The following NBEAL1 variants were observed in gnomAD, a reference collection of about 807,000 sequenced individuals.
NBEAL1 encodes the protein neurobeachin-like protein 1.
Under a neutral mutation model 351.3 loss-of-function variants are expected in NBEAL1, and 273 were observed. The ratio of observed to expected loss-of-function variants is 0.78; its 90% CI spans 0.70 to 0.86. The LOEUF is 0.86. Among genes scored for constraint, NBEAL1 ranks in the 40% least tolerant of loss-of-function variants. The pLI, the probability that NBEAL1 is intolerant of heterozygous loss-of-function variation, is 0.00. For missense variants in NBEAL1, 2,961 were observed against 3,201.3 expected, an observed-to-expected ratio of 0.92 and a Z score of 1.81; for synonymous variants, 1,050 against 1,086.4, an observed-to-expected ratio of 0.97 and a Z score of 0.66.
chr2:203,045,585 A>G (rs940474261), intron 3 of NBEAL1, among the ~76,000 whole-genome samples: 3 of 152,196 alleles, frequency 2.0e-5, no homozygotes, highest in Non-Finnish European at 4.4e-5. Context: ...GTGTAATTTA[A>G]TTACAATCAG....
intron 44 of NBEAL1, 85 bp downstream of exon 44, chr2:203,183,473 T>C: frequency 1.3e-6 from 1 of 745,566 alleles, no homozygotes. Flanking sequence ...GACTTAGTTA[T>C]TTTTCTAGAT....
chr2:203,025,417 A>G (rs1021473628), intron 2 of NBEAL1, among the ~76,000 whole-genome samples: 4 of 152,228 alleles, frequency 2.6e-5, no homozygotes, highest in Non-Finnish European at 5.9e-5. Flanking sequence ...TTTTAGAAAC[A>G]AGTCTTGAAC....
At chr2:203,172,957 T>TAAAGTAGTA (rs1216370542) in intron 41 of NBEAL1, 104 bp downstream of exon 41, 2 of 795,446 alleles carry the variant, frequency 2.5e-6, no homozygotes, top group Non-Finnish European at 1.8e-6. Flanking sequence ...ATCGTACTAC[T>TAAAGTAGTA]ACTTTTGATA....
At position 203,097,565 on chromosome 2, in the gene NBEAL1, A is replaced by G; in HGVS notation, c.1117A>G (p.Asn373Asp). 1.0e-6 allele frequency: 1 copy of G among 985,416 alleles called. No individual in the cohort carries two copies. The highest frequency in any genetic ancestry group is 1.2e-6 in the Non-Finnish European group (1 of 829,538). 61.0% of individuals were successfully genotyped at this position (985,416 alleles called of 1,614,324 possible). ...TTAACAGCTATTTTTAAATGCTAACAATAAGGTGGCAGACAAGAACGAGAA... is the reference window on the plus strand; with the variant it reads ...TTAACAGCTATTTTTAAATGCTAACGATAAGGTGGCAGACAAGAACGAGAA... ...QNCKLFLNAN[N>D]KVADKNEKDL... The change falls in exon 11 of 56, where the codon AAT becomes GAT. Residue 373 changes from asparagine (N) to aspartate (D), a missense_variant. Physicochemically the swap from Asn to Asp is conservative, Grantham distance 23. Coordinates refer to ENST00000683969, the MANE Select transcript of NBEAL1 (RefSeq NM_001378026.1).
intron 54 of NBEAL1, among the ~76,000 whole-genome samples, chr2:203,212,609 A>G (rs899177225): frequency 6.6e-6 from 1 of 150,602 alleles, no homozygotes; most frequent in Non-Finnish European, 1.5e-5. Flanking sequence ...TCCATCTCAA[A>G]AAAAAAAAAA....
Position 203,196,392 on chromosome 2 carries a change from A to G in NBEAL1, c.7039-910A>G, listed in dbSNP as rs2065241882. On this transcript the variant is annotated intron_variant, in intron 47 of 55. Transcript: ENST00000683969. The stretch of plus-strand genomic sequence containing the variant: ...TCATCCTCGTAAGAGGTATTTCCCC[A>G]TGTATTAATATGAAAAGAGAAGGCC... 3.9e-5 allele frequency among the ~76,000 whole-genome samples: 6 copies of G among 152,308 alleles called. 1 individual carries two copies. In the South Asian group the frequency reaches 1.2e-3, roughly 32 times the overall value.
At chr2:203,156,236 G>A (rs1430012143) in intron 35 of NBEAL1, among the ~76,000 whole-genome samples, 1 of 152,064 alleles carries the variant, frequency 6.6e-6, no homozygotes. Flanking sequence ...ACTGTGTCTG[G>A]TTGATTCTAT....
chr2:203,045,535 A>G (rs1456860837), intron 3 of NBEAL1, among the ~76,000 whole-genome samples: 1 of 152,208 alleles, frequency 6.6e-6, no homozygotes, highest in Non-Finnish European at 1.5e-5. Flanking sequence ...TGGGTTATAG[A>G]ATTTGGCATT....
chr2:203,141,754 T>G (rs2063388325), intron 31 of NBEAL1, among the ~76,000 whole-genome samples: 1 of 152,066 alleles, frequency 6.6e-6, no homozygotes, highest in African/African-American at 2.4e-5. Flanking sequence ...TGTGTAATTT[T>G]ATTCTCTCAG....
At chr2:203,041,112 T>C (rs952770071) in intron 2 of NBEAL1, among the ~76,000 whole-genome samples, 1 of 152,220 alleles carries the variant, frequency 6.6e-6, no homozygotes, top group Non-Finnish European at 1.5e-5. Flanking sequence ...TATTGGCTGC[T>C]GCCTCGTCAG....
At chr2:203,123,825 A>C (rs2062881148) in intron 19 of NBEAL1, among the ~76,000 whole-genome samples, 1 of 152,202 alleles carries the variant, frequency 6.6e-6, no homozygotes, top group South Asian at 2.1e-4. Context: ...CCTGAGTTAC[A>C]GCTATGTGGA....
chr2:203,102,083 A>G (rs2062338576), intron 12 of NBEAL1, among the ~76,000 whole-genome samples: 1 of 152,092 alleles, frequency 6.6e-6, no homozygotes, highest in Non-Finnish European at 1.5e-5. Context: ...TGTTAATGGG[A>G]TTGCATTCTT....
chr2:203,131,306 C>T (rs972368622), intron 25 of NBEAL1, among the ~76,000 whole-genome samples: 1 of 152,142 alleles, frequency 6.6e-6, no homozygotes. Context: ...ACCTCTGGCT[C>T]CCATGTACAT....
In NBEAL1 at chr2:203,132,042, G is replaced by A; in HGVS notation, c.3634G>A (p.Val1212Ile). ...RSKQHIRLRE[V>I]GYSGLGLLLN... ...TAAACAACATATTCGACTCAGAGAAGTTGGCTACTCGGGACTGGGACTCCT... is the reference window on the plus strand; with the variant it reads ...TAAACAACATATTCGACTCAGAGAAATTGGCTACTCGGGACTGGGACTCCT... The change falls in exon 26 of 56, where the codon GTT (valine) becomes ATT (isoleucine). Residue 1212 changes from valine to isoleucine, a missense_variant. Physicochemically the swap from Val to Ile is conservative, Grantham distance 29. Transcript: ENST00000683969. 6.4e-7 allele frequency: 1 copy of A among 1,554,740 alleles called. No individual in the cohort carries two copies. Among genetic ancestry groups the A allele is most frequent in the Non-Finnish European group, 8.7e-7 (1 of 1,147,716 alleles).
chr2:203,107,459 G>A lies in NBEAL1; in HGVS notation c.1309G>A (p.Glu437Lys), dbSNP rs1484100283. The A allele has an allele frequency of 1.3e-6, 2 of 1,551,056 alleles. No homozygotes were observed. Among genetic ancestry groups the A allele is most frequent in the Middle Eastern group, 1.7e-4 (1 of 5,988 alleles). Reference sequence around the variant, plus strand: ...AAGAATTGGTTATACACATATGCTTGAAGTATTAAAATCCCTGGGTCAGCC... The same window carrying A: ...AAGAATTGGTTATACACATATGCTTAAAGTATTAAAATCCCTGGGTCAGCC... ...KERIGYTHML[E>K]VLKSLGQPPL... Residue 437 changes from glutamate to lysine, a missense_variant, in exon 13 of 56, where the codon GAA becomes AAA. Transcript: ENST00000683969.
At chr2:203,192,910 T>C (rs1276559456) in intron 46 of NBEAL1, among the ~76,000 whole-genome samples, 1 of 151,596 alleles carries the variant, frequency 6.6e-6, no homozygotes, top group Non-Finnish European at 1.5e-5. Flanking sequence ...TTGAAAAGTA[T>C]GCAGCAGTAC....
intron 38 of NBEAL1, among the ~76,000 whole-genome samples, chr2:203,169,062 T>A (rs1174340339): frequency 6.6e-6 from 1 of 152,104 alleles, no homozygotes; most frequent in African/African-American, 2.4e-5. Flanking sequence ...ATTAGTAAAT[T>A]GCAGAACTAA....
intron 29 of NBEAL1, among the ~76,000 whole-genome samples, chr2:203,137,158 G>T (rs1323740381): frequency 6.6e-6 from 1 of 152,296 alleles, no homozygotes; most frequent in African/African-American, 2.4e-5. Flanking sequence ...AGGATTTAGG[G>T]TTCCTTGTAG....
rs2060680180 is a variant in NBEAL1 at position 203,016,359 on chromosome 2, C to T, written c.-26C>T. On this transcript the variant is annotated 5_prime_UTR_variant, in exon 2 of 56. Coordinates refer to ENST00000683969, the MANE Select transcript of NBEAL1 (RefSeq NM_001378026.1). ...TTGAACATAATTTTTTTAAGGAAAACTTAAAGTGCCAGAGTGAAAGCCAGA... is the reference window on the plus strand; with the variant it reads ...TTGAACATAATTTTTTTAAGGAAAATTTAAAGTGCCAGAGTGAAAGCCAGA... 2 of 1,445,372 alleles carry T rather than the reference C, an allele frequency of 1.4e-6. No homozygotes were observed. The highest frequency in any genetic ancestry group is 1.9e-6 in the Non-Finnish European group (2 of 1,080,938). 89.5% of individuals were successfully genotyped at this position (1,445,372 alleles called of 1,614,324 possible). A position where few individuals can be genotyped will look rare whatever the true frequency, so the allele number is the denominator to read the frequency against.
Sources: allele counts gnomAD v4.1 joint callset (sites outside exome capture counted in the v4.1 genomes callset), GRCh38; gene constraint gnomAD v4.1.1; transcripts MANE v1.5; gene names NCBI Gene and HGNC (gene_info 2026-07-23, HGNC 2026-07-21).